The following PHF7 variants were observed in gnomAD, a reference collection of about 807,000 sequenced individuals.
The protein encoded by PHF7 is E3 ubiquitin-protein ligase PHF7.
A neutral mutation model predicts 47.5 loss-of-function variants in PHF7; 24 were observed. The ratio of observed to expected loss-of-function variants is 0.51; its 90% confidence interval spans 0.37 to 0.71. The LOEUF (loss-of-function observed/expected upper bound fraction) is 0.71. Among genes scored for constraint, PHF7 ranks in the 30% least tolerant of loss-of-function variants. The pLI, the probability that PHF7 is intolerant of heterozygous loss-of-function variation, is 0.00. For synonymous variants in PHF7, 156 were observed against 153.8 expected, an observed-to-expected ratio of 1.01 and a Z score of -0.11; for missense variants, 361 against 456.8, an observed-to-expected ratio of 0.79 and a Z score of 1.91.
Position 52,422,738 on chromosome 3 carries a change from C to T in PHF7, c.798-22C>T, listed in dbSNP as rs562506691. On this transcript the variant is annotated intron_variant, in intron 9 of 10. Transcript: ENST00000327906. The stretch of plus-strand genomic sequence containing the variant: ...TTGGTGTTCTGTATGTCTCCACAAC[C>T]CTTCCTGGGCTCTTCCTCTAGGAGG... 2.5e-6 allele frequency: 4 copies of T among 1,613,722 alleles called. No homozygotes were observed. The East Asian group carries it at 8.9e-5, about 36-fold the overall frequency.
intron 1 of PHF7, among the ~76,000 whole-genome samples, chr3:52,411,697 TTTCG>T (rs1251572886): frequency 1.3e-5 from 2 of 152,252 alleles, no homozygotes; most frequent in Non-Finnish European, 2.9e-5. Flanking sequence ...GTGGATTTTC[TTTCG>T]TTCCCGTTCA....
chr3:52,412,953 A>C (rs763201085), intron 2 of PHF7, 33 bp downstream of exon 2: 1 of 1,544,368 alleles, frequency 6.5e-7, no homozygotes, highest in South Asian at 1.1e-5. Context: ...ATTTGGGAGA[A>C]ATTGTCCAAT....
At chr3:52,412,203 A>G (rs75062631) in intron 1 of PHF7, among the ~76,000 whole-genome samples, 1 of 149,004 alleles carries the variant, frequency 6.7e-6, no homozygotes, top group Admixed American at 6.7e-5. Context: ...CCCTGTCTGA[A>G]AAAAAAAAAA....
intron 3 of PHF7, among the ~76,000 whole-genome samples, chr3:52,414,266 CAA>C (rs3832250): frequency 1.6e-4 from 24 of 149,912 alleles, no homozygotes; most frequent in Admixed American, 1.5e-3. Context: ...AAAACAAAAC[CAA>C]AAAAAAATGA....
At chr3:52,421,615 C>G (rs1437053174) in intron 7 of PHF7, 33 bp from the exon 8 acceptor site, 1 of 1,271,008 alleles carries the variant, frequency 7.9e-7, no homozygotes, top group Admixed American at 1.7e-5. Flanking sequence ...AGGGTTTTTA[C>G]AAACACAGAG....
chr3:52,422,095 G>C (rs949567748), intron 8 of PHF7, 127 bp from the exon 9 acceptor site: 14 of 736,670 alleles, frequency 1.9e-5, no homozygotes, highest in Admixed American at 5.5e-5. Flanking sequence ...CAGCCTTGTT[G>C]GAAGTGTTCA....
chr3:52,423,313 A>G lies in PHF7; in HGVS notation c.1142A>G (p.Lys381Arg), dbSNP rs756868349. 6.2e-7 allele frequency: 1 copy of G among 1,602,928 alleles called. No individual in the cohort carries two copies. The highest frequency in any genetic ancestry group is 1.1e-5 in the South Asian group (1 of 90,706). ...VRITNSCKKS[K>R] is the part of the protein sequence containing the mutation. ...ATCACTAACAGCTGCAAAAAATCCA[A>G]GTAACACCTTCTGAGTAGCTGCTGT... The change falls in exon 11 of 11, where the codon AAG (lysine) becomes AGG (arginine). Residue 381 changes from lysine (K) to arginine (R), a missense_variant. Transcript: ENST00000327906.
In PHF7 at chr3:52,421,785, C is replaced by T. The variant is rs774544434; in HGVS notation, c.680+31C>T. ...GGGAACCCCAAAGCAGGAACTGAGC[C>T]AGGGAGTGGGTTGCCTAGATTTCTA... is the stretch of plus-strand genomic sequence containing the variant. On this transcript the variant is annotated intron_variant, in intron 8 of 10. Transcript: ENST00000327906. 3.4e-6 allele frequency: 4 copies of T among 1,188,234 alleles called. No homozygotes were observed. The South Asian group carries it at 4.9e-5, about 14-fold the overall frequency. 73.6% of individuals were successfully genotyped at this position (1,188,234 alleles called of 1,614,324 possible).
intron 4 of PHF7, 35 bp downstream of exon 4, chr3:52,414,622 A>G (rs771374812): frequency 8.7e-6 from 11 of 1,269,356 alleles, no homozygotes; most frequent in Middle Eastern, 1.9e-4. Context: ...TGAATATCCT[A>G]TGGCTTTTGG....
intron 4 of PHF7, among the ~76,000 whole-genome samples, chr3:52,417,784 G>A (rs571133515): frequency 6.6e-6 from 1 of 152,242 alleles, no homozygotes; most frequent in African/African-American, 2.4e-5. Context: ...TTCTTGCCTT[G>A]TTGTATTGGC....
At position 52,421,104 on chromosome 3, in the gene PHF7, A is replaced by C. The variant is rs777730642; in HGVS notation, c.573+42A>C. 13 of 1,539,876 alleles carry C rather than the reference A, an allele frequency of 8.4e-6. No homozygotes were observed. In the Admixed American group the frequency reaches 2.5e-4, roughly 29 times the overall value. ...CCTGGGTCCCTTCCACCATTGCCCT[A>C]GTTCTCTGCCTGGAACCAGAGAACC... On this transcript the variant is annotated intron_variant, in intron 7 of 10. Coordinates refer to ENST00000327906, the MANE Select transcript of PHF7 (RefSeq NM_016483.7).
At chr3:52,418,894 G>A (rs758259929) in intron 4 of PHF7, among the ~76,000 whole-genome samples, 8 of 150,102 alleles carry the variant, frequency 5.3e-5, no homozygotes, top group African/African-American at 1.5e-4. Context: ...TTCAACCTCC[G>A]CCTCCCGGGT....
intron 7 of PHF7, among the ~76,000 whole-genome samples, 189 bp downstream of exon 7, chr3:52,421,251 C>G (rs1294737390): frequency 6.6e-6 from 1 of 152,176 alleles, no homozygotes; most frequent in Non-Finnish European, 1.5e-5. Context: ...CCTATAGGAC[C>G]TCACACATGA....
chr3:52,415,039 A>G (rs1224707163), intron 4 of PHF7, among the ~76,000 whole-genome samples: 3 of 152,132 alleles, frequency 2.0e-5, no homozygotes, highest in African/African-American at 4.8e-5. Flanking sequence ...TCTTGACAGT[A>G]TAAAGTAAGT....
At chr3:52,414,621 T>C in intron 4 of PHF7, 34 bp downstream of exon 4, 1 of 1,279,496 alleles carries the variant, frequency 7.8e-7, no homozygotes, top group Non-Finnish European at 1.1e-6. Flanking sequence ...TTGAATATCC[T>C]ATGGCTTTTG....
In PHF7 at chr3:52,420,741, C is replaced by T. The variant is rs569184338; in HGVS notation, c.414-162C>T. 3.2e-4 allele frequency among the ~76,000 whole-genome samples: 49 copies of T among 152,248 alleles called. 1 individual carries two copies. Among genetic ancestry groups the T allele is most frequent in the African/African-American group, 1.1e-3 (44 of 41,544 alleles). On this transcript the variant is annotated intron_variant, in intron 6 of 10. Transcript: ENST00000327906. ...GAACTTTGCTCAGTAGGTGAGCAGC[C>T]GTGAGAAGGCATGTGGCAGTTCTTC...
chr3:52,411,920 G>T (rs1170206462), intron 1 of PHF7, among the ~76,000 whole-genome samples: 1 of 152,148 alleles, frequency 6.6e-6, no homozygotes, highest in Admixed American at 6.5e-5. Context: ...TAGGTGAAAA[G>T]AATTGATAGG....
rs1559597145 is a variant in PHF7, at chr3:52,412,935, C to T, written c.41+15C>T. On this transcript the variant is annotated intron_variant, in intron 2 of 10. Transcript: ENST00000327906. Reference sequence around the variant, plus strand: ...CAGAGATTGAGGTAGAAGTAGTTGACATAGGGAATTTGGGAGAAATTGTCC... The same window carrying T: ...CAGAGATTGAGGTAGAAGTAGTTGATATAGGGAATTTGGGAGAAATTGTCC... 1 of 1,601,080 alleles carries T rather than the reference C, an allele frequency of 6.2e-7. No individual in the cohort carries two copies. Among genetic ancestry groups the T allele is most frequent in the Admixed American group, 1.7e-5 (1 of 59,996 alleles).
chr3:52,421,163 C>A, intron 7 of PHF7, 101 bp downstream of exon 7: 2 of 1,097,134 alleles, frequency 1.8e-6, no homozygotes, highest in Non-Finnish European at 2.6e-6. Context: ...AGCTTTGGTG[C>A]TCCATGCTGG....
Sources: gnomAD v4.1 joint callset for allele counts (sites outside exome capture counted in the v4.1 genomes callset) on GRCh38, gnomAD v4.1.1 for gene constraint, MANE v1.5 for transcripts, NCBI Gene and HGNC (gene_info 2026-07-23, HGNC 2026-07-21) for gene names.